Variants in CHRM2 observed in about 807,000 individuals in gnomAD.
CHRM2 encodes cholinergic receptor muscarinic 2, also known as muscarinic acetylcholine receptor M2.
CHRM2 carries 8 observed loss-of-function variants against 25.0 expected under a neutral mutation model. That is an observed-to-expected ratio of 0.32 (90% CI 0.19 to 0.58). The LOEUF (loss-of-function observed/expected upper bound fraction) is 0.58, where lower values mean the gene tolerates loss of function less well. Ranked by LOEUF, CHRM2 falls within the 20% of genes least tolerant of loss-of-function variation. The probability of loss-of-function intolerance (pLI) is 0.88; values close to 1 mark genes in which losing one functional copy is unlikely to be tolerated. For missense variants in CHRM2, 440 were observed against 567.1 expected, an observed-to-expected ratio of 0.78 and a Z score of 2.28; for synonymous variants, 202 against 205.7, an observed-to-expected ratio of 0.98 and a Z score of 0.15.
rs766762972 is a variant in CHRM2 at position 137,014,826 on chromosome 7, A to C, written c.-40A>C. On this transcript the variant is annotated 5_prime_UTR_variant, in exon 4 of 4. It removes an upstream start codon present in the reference 5' UTR. Transcript: ENST00000680005. ...TTATTCTATTTCCTTGCAGGTTTAA[A>C]TGTTTATTTGCTACTTGGCTACTGA... The C allele has an allele frequency of 2.6e-6, 4 of 1,523,416 alleles. No individual in the cohort carries two copies. The East Asian group carries it at 9.1e-5, about 34-fold the overall frequency. The allele number at this position is 1,523,416 out of a possible 1,614,324, so 94.4% of individuals were successfully genotyped here. A position where few individuals can be genotyped will look rare whatever the true frequency, so the allele number is the denominator to read the frequency against.
intron 2 of CHRM2, among the ~76,000 whole-genome samples, chr7:136,920,233 T>G (rs1245057110): frequency 1.3e-5 from 2 of 152,204 alleles, no homozygotes; most frequent in African/African-American, 4.8e-5. Context: ...ACATATGAAC[T>G]CTGTGTGTCC....
intron 2 of CHRM2, among the ~76,000 whole-genome samples, chr7:136,926,024 T>C (rs538591295): frequency 1.3e-5 from 2 of 152,126 alleles, no homozygotes; most frequent in East Asian, 3.9e-4. Context: ...ATTGCTTGAG[T>C]CCAGGAGTTT....
chr7:136,938,915 C>CAAAAAAAAAAAAAAAAAAAAAAAAAAAA (rs56868385), intron 2 of CHRM2, among the ~76,000 whole-genome samples: 2 of 66,910 alleles, frequency 3.0e-5, no homozygotes, highest in Non-Finnish European at 5.7e-5. Context: ...CTAGCTCTGC[C>CAAAAAAAAAAAAAAAAAAAAAAAAAAAA]AAAAAAAAAA....
At chr7:137,000,547 AGAAGGAAG>A (rs780148176) in intron 3 of CHRM2, among the ~76,000 whole-genome samples, 2,600 of 95,200 alleles carry the variant, frequency 0.027, 70 homozygotes, top group Middle Eastern at 0.06. Flanking sequence ...AAAGAAAGAA[AGAAGGAAG>A]GAAGGAAGGA....
intron 2 of CHRM2, chr7:136,870,735 C>T (rs1184009678): frequency 6.6e-6 from 1 of 152,260 alleles, no homozygotes; most frequent in Non-Finnish European, 1.5e-5. Context: ...ACATTTCACC[C>T]AGGCCGCCCT....
intron 2 of CHRM2, among the ~76,000 whole-genome samples, chr7:136,906,060 C>T (rs1044253654): frequency 3.3e-5 from 5 of 149,738 alleles, no homozygotes; most frequent in Non-Finnish European, 5.9e-5. Flanking sequence ...AATTTTGTTA[C>T]GTATAATTTT....
At chr7:136,985,133 G>C (rs2130992457) in intron 2 of CHRM2, among the ~76,000 whole-genome samples, 1 of 152,204 alleles carries the variant, frequency 6.6e-6, no homozygotes, top group East Asian at 1.9e-4. Flanking sequence ...GCAACACACA[G>C]CACTGAGGTA....
Position 137,015,933 on chromosome 7 carries a change from A to C in CHRM2, c.1068A>C (p.Glu356Asp). 6.2e-7 allele frequency: 1 copy of C among 1,613,148 alleles called. No homozygotes were observed. The highest frequency in any genetic ancestry group is 8.5e-7 in the Non-Finnish European group (1 of 1,179,432). The change falls in exon 4 of 4, where the codon GAA becomes GAC. Residue 356 changes from glutamate (E) to aspartate (D), a missense_variant. Around this residue, in one of 5 missense-constraint regions of CHRM2, gnomAD observed 261 missense variants for 261.8 expected, o/e 1.00. Coordinates refer to ENST00000680005, the MANE Select transcript of CHRM2 (RefSeq NM_001006630.2). The surrounding 1 kb of genome is among the most constrained non-coding windows in gnomAD (Gnocchi z 5.1). The stretch of plus-strand genomic sequence containing the variant: ...GGTCTTCAGGTCAGAATGGAGATGA[A>C]AAGCAGAATATTGTAGCCCGCAAGA... ...VVGSSGQNGDEKQNIVARKIV... is the reference protein window; with the variant it reads ...VVGSSGQNGDDKQNIVARKIV...
At chr7:136,909,830 T>C (rs1454866311) in intron 2 of CHRM2, among the ~76,000 whole-genome samples, 1 of 151,930 alleles carries the variant, frequency 6.6e-6, no homozygotes, top group African/African-American at 2.4e-5. Context: ...AAAATACATT[T>C]GTAGCAGACC....
intron 2 of CHRM2, among the ~76,000 whole-genome samples, chr7:136,901,084 C>T (rs536721851): frequency 2.2e-4 from 34 of 152,102 alleles, no homozygotes; most frequent in South Asian, 4.2e-4. Flanking sequence ...TAATTGAGAA[C>T]GGAGTTTCTA....
intron 2 of CHRM2, among the ~76,000 whole-genome samples, chr7:136,966,024 G>A (rs905074557): frequency 1.3e-5 from 2 of 151,882 alleles, no homozygotes; most frequent in Non-Finnish European, 2.9e-5. Context: ...ACCAGAGGGA[G>A]ACAGAACTCT....
intron 2 of CHRM2, among the ~76,000 whole-genome samples, chr7:136,921,507 G>A (rs781780184): frequency 5.9e-5 from 9 of 151,950 alleles, no homozygotes; most frequent in South Asian, 2.1e-4. Context: ...TGTGTCCCTC[G>A]TGCATGAGGA....
At chr7:136,885,975 A>C (rs1257040459) in intron 2 of CHRM2, among the ~76,000 whole-genome samples, 1 of 152,122 alleles carries the variant, frequency 6.6e-6, no homozygotes, top group Non-Finnish European at 1.5e-5. Flanking sequence ...AATGGAAAGG[A>C]AGGCTGAAAC....
At chr7:136,872,603 A>G (rs13235508) in intron 2 of CHRM2, among the ~76,000 whole-genome samples, 21,597 of 152,186 alleles carry the variant, frequency 0.14, 1,635 homozygotes, top group Non-Finnish European at 0.17. Flanking sequence ...GGTTTCAGAG[A>G]TCCAAAGAAA....
chr7:136,973,572 CGGTGTT>C, intron 2 of CHRM2, among the ~76,000 whole-genome samples: 2 of 71,006 alleles, frequency 2.8e-5, no homozygotes, highest in Admixed American at 1.4e-4. Context: ...ATGACGGTGA[CGGTGTT>C]AGGGATGGTG....
At chr7:137,011,215 G>GTGTGTGTGTGTGTGTATATATA in intron 3 of CHRM2, among the ~76,000 whole-genome samples, 98 of 134,326 alleles carry the variant, frequency 7.3e-4, no homozygotes, top group African/African-American at 1.4e-3. Context: ...GTGTGTGTGT[G>GTGTGTGTGTGTGTGTATATATA]TATATATATA....
rs78980564 is a variant in CHRM2 at position 136,934,503 on chromosome 7, T to C, written c.-124-57684T>C. ...TCATCTTTCAAAACTGTTTAGTACT[T>C]CCTTATTGGAATAAAGTCCAAATTC... On this transcript the variant is annotated intron_variant, in intron 2 of 3. Transcript: ENST00000680005. Among the ~76,000 whole-genome samples the C allele has an allele frequency of 5.3e-5, 8 of 152,222 alleles. No individual in the cohort carries two copies. In the East Asian group the frequency reaches 1.5e-3, roughly 29 times the overall value.
chr7:137,011,227 A>G (rs866912574), intron 3 of CHRM2, among the ~76,000 whole-genome samples: 190 of 133,118 alleles, frequency 1.4e-3, no homozygotes, highest in African/African-American at 5.5e-3. Flanking sequence ...ATATATATAT[A>G]TATATATGGA....
intron 2 of CHRM2, among the ~76,000 whole-genome samples, chr7:136,965,463 C>T (rs1460416566): frequency 1.3e-5 from 2 of 151,956 alleles, no homozygotes; most frequent in African/African-American, 2.4e-5. Context: ...AGAGAATGAG[C>T]AGCCTGTTTT....
Sources: allele counts gnomAD v4.1 joint callset (sites outside exome capture counted in the v4.1 genomes callset), GRCh38; gene constraint gnomAD v4.1.1; regional missense constraint gnomAD v4.1.1; non-coding constraint Gnocchi (gnomAD v3.1); transcripts MANE v1.5; gene names NCBI Gene and HGNC (gene_info 2026-07-23, HGNC 2026-07-21).